The following SLC36A1 variants were observed in gnomAD, a reference collection of about 807,000 sequenced individuals.
SLC36A1 encodes the protein proton-coupled amino acid transporter 1.
A neutral mutation model predicts 47.5 loss-of-function variants in SLC36A1; 30 were observed. The observed-to-expected ratio is 0.63, with a 90% confidence interval of 0.47 to 0.86. The LOEUF (loss-of-function observed/expected upper bound fraction) is 0.86. Among genes scored for constraint, SLC36A1 ranks in the 40% least tolerant of loss-of-function variants. The pLI is 0.00. For missense variants in SLC36A1, 517 were observed against 606.0 expected (o/e 0.85, Z 1.54); for synonymous variants, 255 against 249.7 (o/e 1.02, Z -0.20).
chr5:151,505,241 G>A, the SLC36A1 span: 2 of 434,482 alleles, frequency 4.6e-6, no homozygotes, highest in Non-Finnish European at 8.3e-6. Context: ...TCTGCCCCGG[G>A]GACTGAGAGC....
chr5:151,393,502 G>A, the SLC36A1 span, among the ~76,000 whole-genome samples: 3 of 152,136 alleles, frequency 2.0e-5, no homozygotes, highest in South Asian at 2.1e-4. Flanking sequence ...TAGCATCAAT[G>A]GTCTTTACAA....
At chr5:151,380,577 GA>G in the SLC36A1 span, 1 of 546,708 alleles carries the variant, frequency 1.8e-6, no homozygotes, top group South Asian at 1.4e-5. Context: ...ACATGCGTCT[GA>G]ATGAGGACAT....
the SLC36A1 span, among the ~76,000 whole-genome samples, chr5:151,429,723 C>A: frequency 6.6e-6 from 1 of 152,134 alleles, no homozygotes; most frequent in Non-Finnish European, 1.5e-5. Flanking sequence ...GTCTTAGCCA[C>A]ATGTTATCCT....
At chr5:151,510,103 C>T in the SLC36A1 span, 1 of 1,614,156 alleles carries the variant, frequency 6.2e-7, no homozygotes. Context: ...AGGCAGGGTG[C>T]AAAAGTACAG....
chr5:151,377,188 A>G, the SLC36A1 span, among the ~76,000 whole-genome samples: 1 of 152,060 alleles, frequency 6.6e-6, no homozygotes, highest in African/African-American at 2.4e-5. Context: ...ATACTCTGCA[A>G]TTGTTGGGTA....
At chr5:151,535,552 C>T in the SLC36A1 span, among the ~76,000 whole-genome samples, 1 of 152,178 alleles carries the variant, frequency 6.6e-6, no homozygotes. Context: ...CCTCGCCCTA[C>T]ACCTCTCTTC....
chr5:151,503,963 G>C, the SLC36A1 span: 4 of 152,168 alleles, frequency 2.6e-5, no homozygotes, highest in Admixed American at 2.6e-4. Flanking sequence ...AATGTTGCCA[G>C]GTTGGGAATC....
chr5:151,550,969 T>G, the SLC36A1 span: 1 of 1,003,706 alleles, frequency 1.0e-6, no homozygotes, highest in Non-Finnish European at 1.5e-6. Flanking sequence ...CCTAGCACAG[T>G]GCCTGGCACT....
the SLC36A1 span, among the ~76,000 whole-genome samples, chr5:151,513,669 T>C: frequency 6.6e-6 from 1 of 152,254 alleles, no homozygotes; most frequent in South Asian, 2.1e-4. Flanking sequence ...GGTGATGAAG[T>C]AATATGTACA....
At chr5:151,443,236 A>G (rs1406556612), upstream of SLC36A1, among the ~76,000 whole-genome samples, 1 of 152,160 alleles carries the variant, frequency 6.6e-6, no homozygotes, top group Non-Finnish European at 1.5e-5. Context: ...AAAAAAAGAA[A>G]CTTTTACACT....
At chr5:151,525,823 A>G in the SLC36A1 span, 179 of 1,614,096 alleles carry the variant, frequency 1.1e-4, 1 homozygote, top group Middle Eastern at 8.2e-4. Flanking sequence ...CTCAGCAGTC[A>G]CCAGCCATCC....
At chr5:151,498,927 A>AGACG in the SLC36A1 span, among the ~76,000 whole-genome samples, 12 of 152,202 alleles carry the variant, frequency 7.9e-5, no homozygotes, top group Admixed American at 7.2e-4. Context: ...CCTGCGCTGG[A>AGACG]GACGTGGCTG....
the SLC36A1 span, chr5:151,550,507 G>C: frequency 6.8e-7 from 1 of 1,461,184 alleles, no homozygotes; most frequent in Non-Finnish European, 9.4e-7. Context: ...GGGGAAGGGG[G>C]ACCTTCAGCA....
At chr5:151,549,328 C>A in the SLC36A1 span, 1 of 1,613,600 alleles carries the variant, frequency 6.2e-7, no homozygotes, top group Non-Finnish European at 8.5e-7. Context: ...TCAGCATTGA[C>A]TCCCCGGTCA....
chr5:151,481,548 A>G (rs1006295047), intron 10 of SLC36A1, among the ~76,000 whole-genome samples: 7 of 151,692 alleles, frequency 4.6e-5, no homozygotes, highest in African/African-American at 1.5e-4. Flanking sequence ...AGCTTCTTTT[A>G]TTACTATTTC....
chr5:151,505,731 T>C, the SLC36A1 span: 1 of 1,613,652 alleles, frequency 6.2e-7, no homozygotes, highest in South Asian at 1.1e-5. Context: ...CACCCCCTTG[T>C]AGCCCCCGTC....
chr5:151,385,121 G>A, the SLC36A1 span, among the ~76,000 whole-genome samples: 1 of 151,740 alleles, frequency 6.6e-6, no homozygotes, highest in Non-Finnish European at 1.5e-5. Flanking sequence ...TAAAATCTAG[G>A]TCCTGGTTGC....
the SLC36A1 span, among the ~76,000 whole-genome samples, chr5:151,385,771 T>C: frequency 6.6e-6 from 1 of 151,994 alleles, no homozygotes; most frequent in Non-Finnish European, 1.5e-5. Context: ...CAGCAACAAC[T>C]ACCTTTACAT....
At chr5:151,531,987 G>C in the SLC36A1 span, 1 of 1,613,118 alleles carries the variant, frequency 6.2e-7, no homozygotes. This position sits in a 1 kb window ranked among gnomAD's most constrained non-coding sequence, Gnocchi z 5.7. Context: ...GGGAGACCAA[G>C]GGTGTGATCC....
Sources: gnomAD v4.1 joint callset for allele counts (sites outside exome capture counted in the v4.1 genomes callset) on GRCh38, gnomAD v4.1.1 for gene constraint, Gnocchi (gnomAD v3.1) non-coding constraint, MANE v1.5 for transcripts, NCBI Gene and HGNC (gene_info 2026-07-23, HGNC 2026-07-21) for gene names.